Variants in COBLL1 observed in about 807,000 individuals in gnomAD.
COBLL1 encodes cordon-bleu WH2 repeat protein like 1, also known as cordon-bleu protein-like 1.
A neutral mutation model predicts 94.8 loss-of-function variants in COBLL1; 50 were observed. That is an observed-to-expected ratio of 0.53 (90% CI 0.42 to 0.67). The LOEUF is 0.67. Among genes scored for constraint, COBLL1 ranks in the 30% least tolerant of loss-of-function variants. The pLI, the probability that COBLL1 is intolerant of heterozygous loss-of-function variation, is 0.00. For missense variants in COBLL1, 1,362 were observed against 1,348.7 expected (o/e 1.01, Z -0.15); for synonymous variants, 448 against 473.8 (o/e 0.95, Z 0.71).
intron 2 of COBLL1, among the ~76,000 whole-genome samples, chr2:164,826,147 A>T (rs1204765537): frequency 6.6e-6 from 1 of 152,242 alleles, no homozygotes; most frequent in Non-Finnish European, 1.5e-5. Flanking sequence ...GAGAAAAGTG[A>T]AATATTCACC....
At chr2:164,737,613 TA>T (rs5835996) in intron 3 of COBLL1, among the ~76,000 whole-genome samples, 16,394 of 152,136 alleles carry the variant, frequency 0.11, 910 homozygotes, top group Middle Eastern at 0.16. Flanking sequence ...ATTACCCTGC[TA>T]TAAACATATA....
intron 7 of COBLL1, among the ~76,000 whole-genome samples, chr2:164,707,043 T>G (rs1684639905): frequency 6.6e-6 from 1 of 152,096 alleles, no homozygotes. Context: ...GCCGGCAGAG[T>G]TCCTCCATCA....
At chr2:164,786,180 T>G (rs1283294688) in intron 2 of COBLL1, among the ~76,000 whole-genome samples, 2 of 152,208 alleles carry the variant, frequency 1.3e-5, no homozygotes, top group African/African-American at 4.8e-5. Context: ...AGAGGGCTTT[T>G]CCTACACTCT....
At chr2:164,805,327 C>CTATATATA (rs1282917607) in intron 2 of COBLL1, among the ~76,000 whole-genome samples, 24 of 26,464 alleles carry the variant, frequency 9.1e-4, no homozygotes, top group African/African-American at 1.8e-3. Context: ...CTCTCTCTCT[C>CTATATATA]TCTCTCTCTC....
intron 2 of COBLL1, among the ~76,000 whole-genome samples, chr2:164,809,481 T>G (rs1353910605): frequency 6.6e-6 from 1 of 152,010 alleles, no homozygotes; most frequent in African/African-American, 2.4e-5. Context: ...TTCTGTATGA[T>G]TCATTGCCTA....
intron 1 of COBLL1, among the ~76,000 whole-genome samples, chr2:164,668,242 G>A (rs1192726992): frequency 1.3e-5 from 2 of 151,500 alleles, no homozygotes; most frequent in Admixed American, 1.3e-4. Context: ...GAGATTACAC[G>A]TGTGAGCCAC....
chr2:164,679,399 A>G (rs1682943475), downstream of COBLL1, among the ~76,000 whole-genome samples: 1 of 152,134 alleles, frequency 6.6e-6, no homozygotes, highest in Admixed American at 6.5e-5. Context: ...AAAGATTAGA[A>G]ACGTAATTTA....
At chr2:164,833,860 G>C (rs2105387734) in intron 2 of COBLL1, among the ~76,000 whole-genome samples, 1 of 152,120 alleles carries the variant, frequency 6.6e-6, no homozygotes, top group Non-Finnish European at 1.5e-5. Flanking sequence ...ACAGTATAGT[G>C]AACTTAAATT....
At chr2:164,706,721 C>A (rs966400943) in intron 7 of COBLL1, among the ~76,000 whole-genome samples, 5 of 152,122 alleles carry the variant, frequency 3.3e-5, no homozygotes, top group Non-Finnish European at 5.9e-5. Context: ...AGACATCCAA[C>A]ATCCAGCTTA....
In COBLL1 at chr2:164,839,392, G is replaced by A. The variant is rs527503140; in HGVS notation, c.41+1764C>T. ...AGGATTGCTTGAAGCCTGGGGTTTCGGATCAACTAGGCAACATAGCAAGAC... is the reference window on the plus strand; with the variant it reads ...AGGATTGCTTGAAGCCTGGGGTTTCAGATCAACTAGGCAACATAGCAAGAC... On this transcript the variant is annotated intron_variant, in intron 2 of 13. Coordinates refer to ENST00000652658, the MANE Select transcript of COBLL1 (RefSeq NM_001365672.2). 4.7e-5 allele frequency among the ~76,000 whole-genome samples: 5 copies of A among 106,240 alleles called. No homozygotes were observed. The South Asian group carries it at 9.1e-4, about 19-fold the overall frequency. The allele number at this position is 106,240 out of a possible 152,430, so 69.7% of individuals were successfully genotyped here.
chr2:164,831,078 T>C (rs1406682565), intron 2 of COBLL1, among the ~76,000 whole-genome samples: 1 of 152,150 alleles, frequency 6.6e-6, no homozygotes, highest in East Asian at 1.9e-4. Context: ...ATCCCAGCAT[T>C]TTGGGAGGCC....
intron 2 of COBLL1, among the ~76,000 whole-genome samples, chr2:164,840,506 C>A (rs1228058785): frequency 6.6e-6 from 1 of 151,546 alleles, no homozygotes; most frequent in Non-Finnish European, 1.5e-5. Context: ...AATATTAACT[C>A]ACCATGTGAC....
intron 11 of COBLL1, chr2:164,697,175 G>A (rs184509984): frequency 7.0e-4 from 107 of 152,140 alleles, no homozygotes; most frequent in African/African-American, 2.5e-3. Context: ...ACAGTTATTT[G>A]GTTGTGGCAG....
intron 3 of COBLL1, among the ~76,000 whole-genome samples, chr2:164,742,969 T>C (rs138517392): frequency 3.4e-3 from 518 of 152,256 alleles, no homozygotes; most frequent in Non-Finnish European, 4.6e-3. Context: ...ACCAAGTCTA[T>C]AGTTCATGTA....
downstream of COBLL1, among the ~76,000 whole-genome samples, chr2:164,677,899 A>AG (rs1691364660): frequency 1.2e-4 from 18 of 152,324 alleles, no homozygotes; most frequent in South Asian, 3.7e-3. Flanking sequence ...ACAGTGGATA[A>AG]GATCATACTG....
intron 2 of COBLL1, among the ~76,000 whole-genome samples, chr2:164,820,793 T>A (rs1333855458): frequency 1.3e-5 from 2 of 152,150 alleles, no homozygotes; most frequent in Non-Finnish European, 2.9e-5. Flanking sequence ...GGTAACCTGG[T>A]TAGGATTCCT....
chr2:164,736,443 A>G (rs1048561800), intron 3 of COBLL1, among the ~76,000 whole-genome samples: 8 of 152,204 alleles, frequency 5.3e-5, no homozygotes, highest in Non-Finnish European at 1.0e-4. Flanking sequence ...TTGAAGATAA[A>G]TAGTAATAGG....
At chr2:164,696,397 T>G (rs1683943940) in intron 11 of COBLL1, 1 of 152,190 alleles carries the variant, frequency 6.6e-6, no homozygotes, top group Admixed American at 6.6e-5. Context: ...CAGAAAACAT[T>G]AAGATTTATA....
At chr2:164,671,347 A>C (rs886970708) in intron 1 of COBLL1, among the ~76,000 whole-genome samples, 1 of 152,064 alleles carries the variant, frequency 6.6e-6, no homozygotes, top group Non-Finnish European at 1.5e-5. Flanking sequence ...CTTTGATGAC[A>C]TGTTTCTGCT....
Sources: gnomAD v4.1 joint callset for allele counts (sites outside exome capture counted in the v4.1 genomes callset) on GRCh38, gnomAD v4.1.1 for gene constraint, MANE v1.5 for transcripts, NCBI Gene and HGNC (gene_info 2026-07-23, HGNC 2026-07-21) for gene names.